The following FOXJ3 variants were observed in gnomAD, a reference collection of about 807,000 sequenced individuals.
FOXJ3 encodes forkhead box protein J3.
FOXJ3 carries 22 observed loss-of-function variants against 76.1 expected under a neutral mutation model. The observed-to-expected ratio is 0.29, with a 90% CI of 0.21 to 0.41. The LOEUF (loss-of-function observed/expected upper bound fraction) is 0.41, where lower values mean the gene tolerates loss of function less well. Among genes scored for constraint, FOXJ3 ranks in the 10% least tolerant of loss-of-function variants. The pLI, the probability that FOXJ3 is intolerant of heterozygous loss-of-function variation, is 1.00. For synonymous variants in FOXJ3, 269 were observed against 261.2 expected (o/e 1.03, Z -0.29); for missense variants, 613 against 762.1 (o/e 0.80, Z 2.30).
chr1:42,246,656 G>C (rs557147878), intron 4 of FOXJ3, among the ~76,000 whole-genome samples: 1 of 149,442 alleles, frequency 6.7e-6, no homozygotes, highest in South Asian at 2.1e-4. Context: ...ACTAAAAATA[G>C]AACTACCATA....
At position 42,179,724 on chromosome 1, in the gene FOXJ3, C is replaced by A. The variant is rs1646279227; in HGVS notation, c.1855G>T (p.Asp619Tyr). 1 of 1,609,882 alleles carries A rather than the reference C, an allele frequency of 6.2e-7. No homozygotes were observed. The highest frequency in any genetic ancestry group is 8.5e-7 in the Non-Finnish European group (1 of 1,176,310). The change falls in exon 13 of 13, where the codon GAT (aspartate) becomes TAT (tyrosine). Residue 619 changes from aspartate (D) to tyrosine (Y), a missense_variant. Physicochemically the swap from Asp to Tyr is radical, Grantham distance 160. Transcript: ENST00000361346. Reference sequence around the variant, plus strand: ...AGAAACAAGCCCTACACAATTGAATCCCAATCAAAGTCATCCTGGATGTCA... The same window carrying A: ...AGAAACAAGCCCTACACAATTGAATACCAATCAAAGTCATCCTGGATGTCA... ...PDDIQDDFDWDSIV is the reference protein window; with the variant it reads ...PDDIQDDFDWYSIV
intron 8 of FOXJ3, among the ~76,000 whole-genome samples, chr1:42,194,164 C>T (rs1040742696): frequency 1.3e-5 from 2 of 152,126 alleles, no homozygotes; most frequent in Non-Finnish European, 2.9e-5. Flanking sequence ...AGTTAATGTG[C>T]CAAACAAACA....
chr1:42,286,056 T>C (rs959544282), intron 2 of FOXJ3, among the ~76,000 whole-genome samples: 1 of 152,134 alleles, frequency 6.6e-6, no homozygotes, highest in Non-Finnish European at 1.5e-5. Context: ...GAGTATTAGA[T>C]ATAAGAAGAA....
At chr1:42,223,883 C>A (rs1042647542) in intron 5 of FOXJ3, among the ~76,000 whole-genome samples, 4 of 152,218 alleles carry the variant, frequency 2.6e-5, no homozygotes, top group African/African-American at 9.6e-5. Flanking sequence ...ACAGCACAAA[C>A]TGTGAAGGCA....
chr1:42,252,544 T>C (rs1164429785), intron 4 of FOXJ3, among the ~76,000 whole-genome samples: 1 of 151,966 alleles, frequency 6.6e-6, no homozygotes, highest in East Asian at 1.9e-4. Flanking sequence ...TAGCAGTCTA[T>C]CAATTTTGTT....
chr1:42,282,590 C>T (rs78860407), intron 2 of FOXJ3, among the ~76,000 whole-genome samples: 1,730 of 152,208 alleles, frequency 0.011, 37 homozygotes, highest in African/African-American at 0.04. Flanking sequence ...AGTGACCATA[C>T]ATTAGTACTT....
At chr1:42,232,591 G>A (rs1453337701) in intron 4 of FOXJ3, among the ~76,000 whole-genome samples, 1 of 151,132 alleles carries the variant, frequency 6.6e-6, no homozygotes, top group Non-Finnish European at 1.5e-5. Flanking sequence ...CTGCATAAAT[G>A]TCTTCTTTTG....
chr1:42,248,400 G>A (rs1370232957), intron 4 of FOXJ3, among the ~76,000 whole-genome samples: 7 of 152,004 alleles, frequency 4.6e-5, no homozygotes, highest in Non-Finnish European at 8.8e-5. Context: ...CGGGCGTGGT[G>A]GCGGGCACCT....
chr1:42,225,956 G>A (rs937209408), intron 5 of FOXJ3, among the ~76,000 whole-genome samples: 4 of 152,110 alleles, frequency 2.6e-5, no homozygotes, highest in East Asian at 1.9e-4. Flanking sequence ...ACAGTTGTTC[G>A]CCCAATTCCA....
Position 42,248,403 on chromosome 1 carries a change from G to A in FOXJ3, c.444+16712C>T, listed in dbSNP as rs555267940. Among the ~76,000 whole-genome samples, 49 of 151,920 alleles carry A rather than the reference G, an allele frequency of 3.2e-4. No homozygotes were observed. In the South Asian group the frequency reaches 9.6e-3, roughly 30 times the overall value. ...CAAAAAATTAGCCGGGCGTGGTGGC[G>A]GGCACCTGTAGTCCCAGCTACTCGG... On this transcript the variant is annotated intron_variant, in intron 4 of 12. Transcript: ENST00000361346.
At chr1:42,285,694 G>A (rs1653010156) in intron 2 of FOXJ3, among the ~76,000 whole-genome samples, 2 of 145,498 alleles carry the variant, frequency 1.4e-5, no homozygotes, top group Middle Eastern at 7.1e-3. Context: ...GACCATAAAG[G>A]ACAATGAAAA....
At chr1:42,211,408 G>A (rs952958616) in intron 5 of FOXJ3, among the ~76,000 whole-genome samples, 11 of 152,000 alleles carry the variant, frequency 7.2e-5, no homozygotes, top group African/African-American at 2.4e-4. Context: ...GTGACTGGGA[G>A]GTGACTGTTT....
At chr1:42,237,588 T>C (rs1648789529) in intron 4 of FOXJ3, among the ~76,000 whole-genome samples, 2 of 151,430 alleles carry the variant, frequency 1.3e-5, no homozygotes, top group South Asian at 4.1e-4. Context: ...GGTTATCTGT[T>C]TTCATAATGG....
chr1:42,254,856 C>T (rs1650446178), intron 4 of FOXJ3, among the ~76,000 whole-genome samples: 2 of 149,902 alleles, frequency 1.3e-5, no homozygotes, highest in Admixed American at 6.6e-5. Flanking sequence ...GGAGATATAC[C>T]TAATGCTAAA....
In FOXJ3 at chr1:42,188,817, A is replaced by G. The variant is rs780942907; in HGVS notation, c.1565T>C (p.Ile522Thr). ...TTGTTGAACATTACTCTGTGAATGTATAAGGCCAGTTTGTGTAAAGAACTG... is the reference window on the plus strand; with the variant it reads ...TTGTTGAACATTACTCTGTGAATGTGTAAGGCCAGTTTGTGTAAAGAACTG... ...LNQFFTQTGLIHSQSNVQQNV... is the reference protein window; with the variant it reads ...LNQFFTQTGLTHSQSNVQQNV... Residue 522 changes from isoleucine to threonine, a missense_variant, in exon 11 of 13, where the codon ATA becomes ACA. Physicochemically the swap from Ile to Thr is moderately conservative, Grantham distance 89 (BLOSUM62 -1). Around this residue, in one of 3 missense-constraint regions of FOXJ3, gnomAD observed 526 missense variants for 601.4 expected, o/e 0.87. Transcript: ENST00000361346. 1.2e-6 allele frequency: 2 copies of G among 1,613,278 alleles called. No homozygotes were observed. Among genetic ancestry groups the G allele is most frequent in the Admixed American group, 1.7e-5 (1 of 59,924 alleles).
chr1:42,288,509 G>A (rs1026656874), intron 2 of FOXJ3, among the ~76,000 whole-genome samples: 2 of 152,068 alleles, frequency 1.3e-5, no homozygotes, highest in Non-Finnish European at 2.9e-5. Flanking sequence ...GCTGGCAGAG[G>A]GCTAACACGG....
intron 3 of FOXJ3, among the ~76,000 whole-genome samples, chr1:42,265,764 T>C (rs1052923557): frequency 3.3e-5 from 5 of 152,128 alleles, no homozygotes; most frequent in African/African-American, 1.2e-4. Context: ...TAGAACCCTA[T>C]TAGGTTCTCA....
At chr1:42,260,999 C>G (rs1386351238) in intron 4 of FOXJ3, among the ~76,000 whole-genome samples, 1 of 152,104 alleles carries the variant, frequency 6.6e-6, no homozygotes. Flanking sequence ...TCCTTTAGTT[C>G]CTTTCAAGTC....
chr1:42,277,493 T>A, intron 3 of FOXJ3, among the ~76,000 whole-genome samples: 1 of 140,260 alleles, frequency 7.1e-6, no homozygotes, highest in Non-Finnish European at 1.5e-5. Context: ...AAATCCCATC[T>A]CTACTAAAAA....
Sources: gnomAD v4.1 joint callset for allele counts (sites outside exome capture counted in the v4.1 genomes callset) on GRCh38, gnomAD v4.1.1 for gene constraint, gnomAD v4.1.1 regional missense constraint, MANE v1.5 for transcripts, NCBI Gene and HGNC (gene_info 2026-07-23, HGNC 2026-07-21) for gene names.